The following TRPC4 variants were observed in gnomAD, a reference collection of about 807,000 sequenced individuals.
The protein encoded by TRPC4 is transient receptor potential cation channel subfamily C member 4, also known as short transient receptor potential channel 4.
A neutral mutation model predicts 99.4 loss-of-function variants in TRPC4; 49 were observed. The observed-to-expected ratio is 0.49, with a 90% confidence interval of 0.39 to 0.63. The LOEUF (loss-of-function observed/expected upper bound fraction) is 0.63, where lower values mean the gene tolerates loss of function less well. Ranked by LOEUF, TRPC4 falls within the 20% of genes least tolerant of loss-of-function variation. The pLI, the probability that TRPC4 is intolerant of heterozygous loss-of-function variation, is 0.00. For missense variants in TRPC4, 898 were observed against 1,152.9 expected, an observed-to-expected ratio of 0.78 and a Z score of 3.20; for synonymous variants, 454 against 425.9, an observed-to-expected ratio of 1.07 and a Z score of -0.81.
At chr13:37,860,833 T>A (rs1959259983) in intron 1 of TRPC4, among the ~76,000 whole-genome samples, 1 of 151,348 alleles carries the variant, frequency 6.6e-6, no homozygotes. Context: ...ACTGATGGAG[T>A]GCTAGCAGAG....
At chr13:37,816,071 C>A (rs945072671) in intron 1 of TRPC4, among the ~76,000 whole-genome samples, 2 of 151,750 alleles carry the variant, frequency 1.3e-5, no homozygotes, top group African/African-American at 2.4e-5. Context: ...GAACAAAATA[C>A]AACATATCAG....
chr13:37,833,796 C>G (rs1958487678), intron 1 of TRPC4, among the ~76,000 whole-genome samples: 1 of 152,050 alleles, frequency 6.6e-6, no homozygotes, highest in African/African-American at 2.4e-5. Context: ...AACCATCCAC[C>G]CATTTGGCTT....
intron 3 of TRPC4, among the ~76,000 whole-genome samples, chr13:37,702,930 A>G (rs1954148660): frequency 6.6e-6 from 1 of 152,228 alleles, no homozygotes; most frequent in Non-Finnish European, 1.5e-5. Context: ...ACTAGTACAT[A>G]GTTGTCATCT....
chr13:37,863,436 G>A (rs1444714531), intron 1 of TRPC4, among the ~76,000 whole-genome samples: 1 of 151,342 alleles, frequency 6.6e-6, no homozygotes, highest in Non-Finnish European at 1.5e-5. Context: ...ATGTTTGTGT[G>A]TTTACACATA....
At chr13:37,687,138 T>C (rs1340787873) in intron 4 of TRPC4, among the ~76,000 whole-genome samples, 1 of 152,026 alleles carries the variant, frequency 6.6e-6, no homozygotes, top group Admixed American at 6.6e-5. Context: ...CTGATTTTTG[T>C]ATTTTTAGTA....
At chr13:37,826,848 G>C (rs1469512422) in intron 1 of TRPC4, among the ~76,000 whole-genome samples, 1 of 152,102 alleles carries the variant, frequency 6.6e-6, no homozygotes, top group Non-Finnish European at 1.5e-5. Context: ...AGTTCTCCTG[G>C]ATAATATCTT....
chr13:37,766,491 C>T (rs747017712), intron 2 of TRPC4, among the ~76,000 whole-genome samples: 7 of 151,274 alleles, frequency 4.6e-5, no homozygotes, highest in Non-Finnish European at 8.9e-5. Context: ...TCCTATGGAT[C>T]CTTTTTGGGA....
At position 37,677,063 on chromosome 13, in the gene TRPC4, G is replaced by A. The variant is rs569188480; in HGVS notation, c.1235-2696C>T. Among the ~76,000 whole-genome samples the A allele has an allele frequency of 5.3e-5, 8 of 152,008 alleles. No individual in the cohort carries two copies. The South Asian group carries it at 1.7e-3, about 32-fold the overall frequency. On this transcript the variant is annotated intron_variant, in intron 4 of 10. Coordinates refer to ENST00000379705, the MANE Select transcript of TRPC4 (RefSeq NM_016179.4). Reference sequence around the variant, plus strand: ...CATAGGTAAAAGTAAAAGGTATAATGACATTAGCACAGAAGATGAGAATTA... The same window carrying A: ...CATAGGTAAAAGTAAAAGGTATAATAACATTAGCACAGAAGATGAGAATTA...
chr13:37,655,174 T>C lies in TRPC4; in HGVS notation c.1798A>G (p.Met600Val). 4 of 1,608,646 alleles carry C rather than the reference T, an allele frequency of 2.5e-6. No individual in the cohort carries two copies. The highest frequency in any genetic ancestry group is 1.1e-5 in the South Asian group (1 of 90,500). ...HEFTEFVGAT[M>V]FGTYNVISLV... is the part of the protein sequence containing the mutation. ...GAGATGACATTGTATGTCCCAAACA[T>C]GGTGGCACCAACAAACTCAGTAAAT... The change falls in exon 7 of 11, where the codon ATG (methionine) becomes GTG (valine). Residue 600 changes from methionine to valine, a missense_variant. By Grantham distance (21) the Met-to-Val change is conservative. This residue lies in a region of TRPC4 where 274 missense variants were observed against 454.9 expected (regional missense o/e 0.60). Coordinates refer to ENST00000379705, the MANE Select transcript of TRPC4 (RefSeq NM_016179.4).
At chr13:37,700,888 G>T (rs972970101) in intron 3 of TRPC4, among the ~76,000 whole-genome samples, 5 of 152,064 alleles carry the variant, frequency 3.3e-5, no homozygotes, top group African/African-American at 1.2e-4. Context: ...CTGTCTCCCT[G>T]ACAAAAGCTC....
chr13:37,811,261 T>C (rs566829607), intron 1 of TRPC4, among the ~76,000 whole-genome samples: 1 of 152,224 alleles, frequency 6.6e-6, no homozygotes, highest in East Asian at 1.9e-4. Context: ...TTTGTAGAAC[T>C]ATGATTCCAG....
chr13:37,663,032 A>T (rs570070954), intron 6 of TRPC4, among the ~76,000 whole-genome samples: 32 of 152,310 alleles, frequency 2.1e-4, no homozygotes, highest in Non-Finnish European at 4.1e-4. Flanking sequence ...CACATGAGGA[A>T]ATATTGAAAT....
intron 1 of TRPC4, among the ~76,000 whole-genome samples, chr13:37,846,030 C>A (rs1958889263): frequency 6.6e-6 from 1 of 152,050 alleles, no homozygotes; most frequent in African/African-American, 2.4e-5. Context: ...ATTAATAGTG[C>A]TGAAGGAATA....
intron 1 of TRPC4, among the ~76,000 whole-genome samples, chr13:37,835,866 T>G (rs1958551259): frequency 6.6e-6 from 1 of 152,214 alleles, no homozygotes; most frequent in Non-Finnish European, 1.5e-5. Flanking sequence ...TAATTACTTC[T>G]TTTCTCAAAA....
chr13:37,801,229 T>C (rs1167822648), intron 1 of TRPC4, among the ~76,000 whole-genome samples: 7 of 152,200 alleles, frequency 4.6e-5, no homozygotes, highest in African/African-American at 1.7e-4. Flanking sequence ...AATTTCATTA[T>C]GGCAAATATT....
intron 3 of TRPC4, among the ~76,000 whole-genome samples, chr13:37,735,882 A>G (rs1179814628): frequency 1.3e-5 from 2 of 152,240 alleles, no homozygotes; most frequent in African/African-American, 4.8e-5. Flanking sequence ...ATTTGAAACT[A>G]CAATTTGCTG....
Position 37,696,916 on chromosome 13 carries a change from CT to C in TRPC4, c.898-4582del, listed in dbSNP as rs5802894. Among the ~76,000 whole-genome samples the C allele has an allele frequency of 9.9e-3, 1,400 of 140,974 alleles. 20 individuals carry two copies. Among genetic ancestry groups the C allele is most frequent in the East Asian group, 0.026 (123 of 4,804 alleles). 92.5% of individuals were successfully genotyped at this position (140,974 alleles called of 152,430 possible). ...TTAACTTTTTCCATAGCTGAAACAT[CT>C]TTTTTTTTTTTTTTTTAAATCTTTT... On this transcript the variant is annotated intron_variant, in intron 3 of 10. Transcript: ENST00000379705.
chr13:37,815,639 G>C (rs1255888663), intron 1 of TRPC4, among the ~76,000 whole-genome samples: 1 of 151,846 alleles, frequency 6.6e-6, no homozygotes, highest in Non-Finnish European at 1.5e-5. Context: ...AACCTACAAA[G>C]AGACTTAGAT....
chr13:37,655,186 C>G lies in TRPC4; in HGVS notation c.1786G>C (p.Val596Leu). The change falls in exon 7 of 11, where the codon GTT (valine) becomes CTT (leucine). Residue 596 changes from valine (V) to leucine (L), a missense_variant. Coordinates refer to ENST00000379705, the MANE Select transcript of TRPC4 (RefSeq NM_016179.4). ...TATGTCCCAAACATGGTGGCACCAA[C>G]AAACTCAGTAAATTCATGCTGTGCT... ...VKAQHEFTEFVGATMFGTYNV... is the reference protein window; with the variant it reads ...VKAQHEFTEFLGATMFGTYNV... 6.8e-6 allele frequency: 11 copies of G among 1,608,278 alleles called. No individual in the cohort carries two copies. Among genetic ancestry groups the G allele is most frequent in the Non-Finnish European group, 9.3e-6 (11 of 1,176,768 alleles).
Sources: allele counts gnomAD v4.1 joint callset (sites outside exome capture counted in the v4.1 genomes callset), GRCh38; gene constraint gnomAD v4.1.1; regional missense constraint gnomAD v4.1.1; transcripts MANE v1.5; gene names NCBI Gene and HGNC (gene_info 2026-07-23, HGNC 2026-07-21).